Variants in MUC4 observed in about 807,000 individuals in gnomAD.
MUC4 encodes mucin 4, cell surface associated, also known as mucin-4.
MUC4 carries 202 observed loss-of-function variants against 257.9 expected under a neutral mutation model. That is an observed-to-expected ratio of 0.78 (90% CI 0.70 to 0.88). The LOEUF is 0.88. MUC4 is among the 40% of genes least tolerant of loss of function. The probability of loss-of-function intolerance (pLI) is 0.00; values close to 1 mark genes in which losing one functional copy is unlikely to be tolerated. For synonymous variants in MUC4, 2,351 were observed against 2,757.1 expected (o/e 0.85, Z 4.62); for missense variants, 5,976 against 6,513.7 (o/e 0.92, Z 2.84).
rs1715135302 is a variant in MUC4 at position 195,746,887 on chromosome 3, TGTG to T, written c.*286_*288del. ...GGGCCATCACCACATTATGAACTCG[TGTG>T]TGTGTGTGTGTGTGTGCACGCGCGC... On this transcript the variant is annotated 3_prime_UTR_variant, in exon 25 of 25. Coordinates refer to ENST00000463781, the MANE Select transcript of MUC4 (RefSeq NM_018406.7). 2,087 of 379,862 alleles carry T rather than the reference TGTG, an allele frequency of 5.5e-3. 14 individuals carry two copies. Among genetic ancestry groups the T allele is most frequent in the African/African-American group, 0.028 (1,204 of 42,610 alleles). 23.5% of individuals were successfully genotyped at this position (379,862 alleles called of 1,614,324 possible). A position where few individuals can be genotyped will look rare whatever the true frequency, so the allele number is the denominator to read the frequency against.
chr3:195,798,711 A>T (rs1299151228), intron 1 of MUC4, among the ~76,000 whole-genome samples: 2 of 152,316 alleles, frequency 1.3e-5, no homozygotes, highest in Non-Finnish European at 2.9e-5. Flanking sequence ...CTCAAAAAAA[A>T]AATTAAAAAT....
chr3:195,790,136 G>C lies in MUC4; in HGVS notation c.1444C>G (p.Leu482Val), dbSNP rs763408302. Residue 482 changes from leucine (L) to valine (V), a missense_variant, in exon 2 of 25, where the codon CTA becomes GTA. By Grantham distance (32) the Leu-to-Val change is conservative. Around this residue, in one of 44 missense-constraint regions of MUC4, gnomAD observed 1,583 missense variants for 1,257.4 expected, o/e 1.26. Coordinates refer to ENST00000463781, the MANE Select transcript of MUC4 (RefSeq NM_018406.7). The stretch of plus-strand genomic sequence containing the variant: ...GAAGGCCATGTTGTTGTTTCATGTA[G>C]AGTAAATATTTCTTGAGACACACCT... ...SPGVSQEIFT[L>V]HETTTWPSSF... 1 of 1,614,046 alleles carries C rather than the reference G, an allele frequency of 6.2e-7. No homozygotes were observed. The highest frequency in any genetic ancestry group is 8.5e-7 in the Non-Finnish European group (1 of 1,179,912).
rs6799339 is a variant in MUC4, at chr3:195,785,726, G to C, written c.5854C>G (p.Pro1952Ala). 6 of 790,490 alleles carry C rather than the reference G, an allele frequency of 7.6e-6. No individual in the cohort carries two copies. Among genetic ancestry groups the C allele is most frequent in the South Asian group, 2.1e-5 (1 of 47,170 alleles). The allele number at this position is 790,490 out of a possible 1,614,324, so 49.0% of individuals were successfully genotyped here. ...GAGGAAGCGTCGGTGACAGGAAGAG[G>C]GGTGGTGTGACCTGAGGATGCTGAG... The part of the protein sequence containing the change: ...PSSASSGHTT[P>A]LPVTDASSVP... Residue 1952 changes from proline to alanine, a missense_variant, in exon 2 of 25, where the codon CCT (proline) becomes GCT (alanine). Coordinates refer to ENST00000463781, the MANE Select transcript of MUC4 (RefSeq NM_018406.7).
intron 23 of MUC4, 100 bp from the exon 24 acceptor site, chr3:195,749,164 A>G: frequency 7.0e-7 from 1 of 1,427,552 alleles, no homozygotes; most frequent in Non-Finnish European, 9.6e-7. Context: ...ATCCTGAGAA[A>G]TAATTGGAGA....
chr3:195,810,541 G>A lies in MUC4; in HGVS notation c.82+1195C>T, dbSNP rs1382742762. Among the ~76,000 whole-genome samples the A allele has an allele frequency of 2.0e-5, 3 of 151,826 alleles. No individual in the cohort carries two copies. Among genetic ancestry groups the A allele is most frequent in the Admixed American group, 6.6e-5 (1 of 15,266 alleles). The stretch of plus-strand genomic sequence containing the variant: ...TCCCTCCCCTCCCAGCTCTGTACAC[G>A]GAGGAGCCCAAGGCCAATGCCGGGG... On this transcript the variant is annotated intron_variant, in intron 1 of 24. Transcript: ENST00000463781. The surrounding 1 kb of genome is among the most constrained non-coding windows in gnomAD (Gnocchi z 4.2).
intron 1 of MUC4, among the ~76,000 whole-genome samples, chr3:195,799,251 GTGTGTGTGTGACAC>G (rs1734984473): frequency 8.1e-6 from 1 of 123,890 alleles, no homozygotes; most frequent in Non-Finnish European, 1.8e-5. Flanking sequence ...GTGTGTGTGT[GTGTGTGTGTGACAC>G]TGTGTGTGTG....
chr3:195,751,314 T>TC lies in MUC4; in HGVS notation c.15583-44dup, dbSNP rs760403533. The TC allele has an allele frequency of 9.6e-5, 140 of 1,464,686 alleles. 2 individuals are homozygous for TC. In the South Asian group the frequency reaches 1.5e-3, roughly 16 times the overall value. 90.7% of individuals were successfully genotyped at this position (1,464,686 alleles called of 1,614,324 possible). A position where few individuals can be genotyped will look rare whatever the true frequency, so the allele number is the denominator to read the frequency against. On this transcript the variant is annotated intron_variant, in intron 21 of 24. Transcript: ENST00000463781. ...AGATGGGGGTGGGGGTGAGGCCCCATCCGGGGGGGAGACGCCCTCCCACCT... is the reference window on the plus strand; with the variant it reads ...AGATGGGGGTGGGGGTGAGGCCCCATCCCGGGGGGGAGACGCCCTCCCACCT...
At chr3:195,793,751 C>T (rs1296414131) in intron 1 of MUC4, among the ~76,000 whole-genome samples, 4 of 152,074 alleles carry the variant, frequency 2.6e-5, no homozygotes, top group African/African-American at 2.4e-5. Flanking sequence ...TGCTATAAGC[C>T]GGGTTAACTC....
chr3:195,761,357 G>A lies in MUC4; in HGVS notation c.14614+127C>T, dbSNP rs935098556. On this transcript the variant is annotated intron_variant, in intron 15 of 24. Transcript: ENST00000463781. ...GCTGGTGGTGGTGGGGACAGCCCTG[G>A]GGGGGCACAGATTCCTCAGACCTTA... 5 of 872,310 alleles carry A rather than the reference G, an allele frequency of 5.7e-6. No individual in the cohort carries two copies. In the South Asian group the frequency reaches 7.9e-5, roughly 14 times the overall value. 54.0% of individuals were successfully genotyped at this position (872,310 alleles called of 1,614,324 possible).
intron 3 of MUC4, 140 bp downstream of exon 3, chr3:195,778,163 G>GA: frequency 8.7e-7 from 1 of 1,152,886 alleles, no homozygotes; most frequent in Non-Finnish European, 1.2e-6. Flanking sequence ...CAGCCCTCAG[G>GA]AGCGACTCCG....
chr3:195,760,878 A>G lies in MUC4; in HGVS notation c.14848+6T>C. 6.2e-7 allele frequency: 1 copy of G among 1,613,696 alleles called. No homozygotes were observed. Among genetic ancestry groups the G allele is most frequent in the African/African-American group, 1.3e-5 (1 of 75,038 alleles). On this transcript the variant is annotated splice_donor_region_variant and intron_variant, in intron 16 of 24. Coordinates refer to ENST00000463781, the MANE Select transcript of MUC4 (RefSeq NM_018406.7). ...AAAAGGCCTCCCCAGGCCTCGGGCCACTTACTGAGGGTGGCGTTCGCCTGC... is the reference window on the plus strand; with the variant it reads ...AAAAGGCCTCCCCAGGCCTCGGGCCGCTTACTGAGGGTGGCGTTCGCCTGC...
intron 1 of MUC4, among the ~76,000 whole-genome samples, chr3:195,795,847 G>GA (rs1295181818): frequency 9.0e-4 from 4 of 4,434 alleles, no homozygotes; most frequent in African/African-American, 5.4e-3. Flanking sequence ...AAGTGGGGGA[G>GA]GGGGGTGGGA....
Position 195,765,469 on chromosome 3 carries a change from G to A in MUC4, c.13619-20C>T, listed in dbSNP as rs754705851. The A allele has an allele frequency of 1.1e-5, 17 of 1,605,008 alleles. No individual in the cohort carries two copies. Among genetic ancestry groups the A allele is most frequent in the Admixed American group, 3.4e-5 (2 of 59,530 alleles). On this transcript the variant is annotated intron_variant, in intron 8 of 24. Coordinates refer to ENST00000463781, the MANE Select transcript of MUC4 (RefSeq NM_018406.7). ...GGAGGCCTGAGGTCGGGGATGGGGG[G>A]GAAAGGGCTTATCCAGGGCTGGGGC...
At chr3:195,768,960 G>A (rs1474944478) in intron 7 of MUC4, 62 bp downstream of exon 7, 22 of 1,564,590 alleles carry the variant, frequency 1.4e-5, no homozygotes, top group East Asian at 1.1e-4. Context: ...TGTGTGCAGC[G>A]AAAGCCGACT....
intron 3 of MUC4, 49 bp from the exon 4 acceptor site, chr3:195,774,354 C>G (rs372037965): frequency 2.7e-6 from 4 of 1,479,942 alleles, no homozygotes; most frequent in Non-Finnish European, 3.6e-6. Flanking sequence ...CCTGGGCCTT[C>G]TTTAGGGCTG....
In MUC4 at chr3:195,765,273, T is replaced by G. The variant is rs751983754; in HGVS notation, c.13795A>C (p.Ile4599Leu). The change falls in exon 9 of 25, where the codon ATA (isoleucine) becomes CTA (leucine). Residue 4599 changes from isoleucine to leucine, a missense_variant. Transcript: ENST00000463781. ...GGGGGCGGGAAGGAGGTGTCACCTA[T>G]GCTGACGGGTTGGAATCGTAAGTCC... Reference protein sequence around the residue: ...RRDLRFQPVSIGRWGLGSRQL... With the variant: ...RRDLRFQPVSLGRWGLGSRQL... The G allele has an allele frequency of 1.2e-6, 2 of 1,611,306 alleles. No homozygotes were observed. The highest frequency in any genetic ancestry group is 1.1e-5 in the South Asian group (1 of 90,692).
At position 195,763,497 on chromosome 3, in the gene MUC4, G is replaced by C. The variant is rs1292050501; in HGVS notation, c.14189C>G (p.Ala4730Gly). 1.4e-5 allele frequency: 21 copies of C among 1,535,790 alleles called. No individual in the cohort carries two copies. Among genetic ancestry groups the C allele is most frequent in the Non-Finnish European group, 1.7e-5 (19 of 1,136,866 alleles). ...AAAGGCGATGAAGTTGGTGGCCTGGGCTGAGCCAGTCTGGGCGGTGCGGCC... is the reference window on the plus strand; with the variant it reads ...AAAGGCGATGAAGTTGGTGGCCTGGCCTGAGCCAGTCTGGGCGGTGCGGCC... ...LQGRTAQTGSAQATNFIAFAA... is the reference protein window; with the variant it reads ...LQGRTAQTGSGQATNFIAFAA... The change falls in exon 12 of 25, where the codon GCC (alanine) becomes GGC (glycine). Residue 4730 changes from alanine to glycine, a missense_variant. Ala to Gly is a moderately conservative substitution (Grantham distance 60). Around this residue, in one of 44 missense-constraint regions of MUC4, gnomAD observed 996 missense variants for 1,137.3 expected, o/e 0.88. Coordinates refer to ENST00000463781, the MANE Select transcript of MUC4 (RefSeq NM_018406.7).
rs1479597903 is a variant in MUC4 at position 195,767,549 on chromosome 3, TCAC to T, written c.13530-801_13530-799del. ...ACCATCGCCACCACCATCATCACCA[TCAC>T]CATTACCATTGCCACCACCATCACC... On this transcript the variant is annotated intron_variant, in intron 7 of 24. Coordinates refer to ENST00000463781, the MANE Select transcript of MUC4 (RefSeq NM_018406.7). 2.8e-5 allele frequency among the ~76,000 whole-genome samples: 2 copies of T among 72,548 alleles called. 1 individual carries two copies. The highest frequency in any genetic ancestry group is 1.5e-4 in the African/African-American group (2 of 13,564). 47.6% of individuals were successfully genotyped at this position (72,548 alleles called of 152,430 possible). A position where few individuals can be genotyped will look rare whatever the true frequency, so the allele number is the denominator to read the frequency against.
Position 195,790,195 on chromosome 3 carries a change from G to T in MUC4, c.1385C>A (p.Thr462Lys), listed in dbSNP as rs1362895754. 2.5e-6 allele frequency: 4 copies of T among 1,614,028 alleles called. No individual in the cohort carries two copies. Among genetic ancestry groups the T allele is most frequent in the Non-Finnish European group, 2.5e-6 (3 of 1,179,894 alleles). The change falls in exon 2 of 25, where the codon ACA becomes AAA. Residue 462 changes from threonine to lysine, a missense_variant. By Grantham distance (78) the Thr-to-Lys change is moderately conservative. Coordinates refer to ENST00000463781, the MANE Select transcript of MUC4 (RefSeq NM_018406.7). ...HTQQSEGAET[T>K]GRPHERSSFS... is the part of the protein sequence containing the mutation. ...TGAGCTCCTCTCATGAGGCCGTCCTGTGGTCTCTGCACCTTCACTCTGCTG... is the reference window on the plus strand; with the variant it reads ...TGAGCTCCTCTCATGAGGCCGTCCTTTGGTCTCTGCACCTTCACTCTGCTG...
Sources: gnomAD v4.1 joint callset for allele counts (sites outside exome capture counted in the v4.1 genomes callset) on GRCh38, gnomAD v4.1.1 for gene constraint, gnomAD v4.1.1 regional missense constraint, Gnocchi (gnomAD v3.1) non-coding constraint, MANE v1.5 for transcripts, NCBI Gene and HGNC (gene_info 2026-07-23, HGNC 2026-07-21) for gene names.